CNTNAP3B: variants seen among roughly 807,000 people sequenced by gnomAD.
CNTNAP3B encodes the protein contactin associated protein family member 3B, also known as contactin-associated protein-like 3B.
In CNTNAP3B, 25 loss-of-function variants were observed where a neutral mutation model predicts 108.9. The observed-to-expected ratio is 0.23, with a 90% CI of 0.17 to 0.32. The LOEUF (loss-of-function observed/expected upper bound fraction) is 0.32. Among genes scored for constraint, CNTNAP3B ranks in the 10% least tolerant of loss-of-function variants. CNTNAP3B has a pLI of 1.00. For synonymous variants in CNTNAP3B, 103 were observed against 473.4 expected (o/e 0.22, Z 10.16); for missense variants, 252 against 1,210.4 (o/e 0.21, Z 11.75).
At chr9:41,995,725 C>T (rs1237118109) in intron 7 of CNTNAP3B, among the ~76,000 whole-genome samples, 5 of 88,744 alleles carry the variant, frequency 5.6e-5, no homozygotes, top group Middle Eastern at 4.5e-3. Flanking sequence ...AGTGAGACTC[C>T]GTCTCAAAAA....
intron 3 of CNTNAP3B, among the ~76,000 whole-genome samples, chr9:42,075,242 A>G (rs1343005173): frequency 5.4e-5 from 8 of 146,924 alleles, no homozygotes; most frequent in Non-Finnish European, 8.9e-5. Context: ...TAACTTGATT[A>G]CCTCTGTAAA....
intron 3 of CNTNAP3B, among the ~76,000 whole-genome samples, chr9:42,066,654 C>G (rs557502453): frequency 7.6e-6 from 1 of 130,722 alleles, no homozygotes; most frequent in South Asian, 2.6e-4. Flanking sequence ...GTCTCAAACT[C>G]CTGACATCAG....
At chr9:41,953,024 G>A (rs1380029676) in intron 13 of CNTNAP3B, among the ~76,000 whole-genome samples, 159 bp downstream of exon 13, 1 of 152,258 alleles carries the variant, frequency 6.6e-6, no homozygotes, top group Non-Finnish European at 1.5e-5. Flanking sequence ...AATGCTCTTT[G>A]GTCCAACCAA....
At chr9:42,043,199 C>A (rs1488932424) in intron 3 of CNTNAP3B, among the ~76,000 whole-genome samples, 1 of 105,914 alleles carries the variant, frequency 9.4e-6, no homozygotes, top group African/African-American at 3.7e-5. Flanking sequence ...GAGACAGTCT[C>A]ACTCTTTGCC....
At chr9:42,070,550 C>A (rs1827351645) in intron 3 of CNTNAP3B, among the ~76,000 whole-genome samples, 1 of 143,982 alleles carries the variant, frequency 6.9e-6, no homozygotes, top group South Asian at 2.2e-4. Flanking sequence ...CCCAGCCACA[C>A]CCTCAGCCTC....
intron 13 of CNTNAP3B, among the ~76,000 whole-genome samples, 167 bp from the exon 14 acceptor site, chr9:41,938,567 A>C (rs1824229954): frequency 6.6e-6 from 1 of 152,286 alleles, no homozygotes; most frequent in Non-Finnish European, 1.5e-5. Context: ...CGTTTCTTTA[A>C]GCCTAACCAA....
intron 2 of CNTNAP3B, among the ~76,000 whole-genome samples, chr9:42,096,992 T>C (rs1304567403): frequency 7.5e-6 from 1 of 134,044 alleles, no homozygotes; most frequent in Non-Finnish European, 1.6e-5. Context: ...CTCAAGGTGA[T>C]CCAACCGCCT....
intron 3 of CNTNAP3B, among the ~76,000 whole-genome samples, chr9:42,071,688 C>A (rs1187931471): frequency 1.5e-5 from 2 of 130,280 alleles, no homozygotes; most frequent in Non-Finnish European, 3.3e-5. Flanking sequence ...GGCAACTGGG[C>A]TGTCATGGTA....
At chr9:42,004,015 A>T (rs1232674764) in intron 4 of CNTNAP3B, among the ~76,000 whole-genome samples, 2 of 146,026 alleles carry the variant, frequency 1.4e-5, no homozygotes, top group African/African-American at 2.6e-5. Context: ...TCATTTTCAT[A>T]GAGTTATAAT....
chr9:42,014,788 C>T (rs1264745276), intron 3 of CNTNAP3B, among the ~76,000 whole-genome samples: 1 of 48,240 alleles, frequency 2.1e-5, no homozygotes, highest in Non-Finnish European at 3.6e-5. Flanking sequence ...TAGACTCCGT[C>T]ACAAAAAAAA....
chr9:41,939,165 C>A (rs879485344), intron 13 of CNTNAP3B, among the ~76,000 whole-genome samples: 4 of 152,280 alleles, frequency 2.6e-5, no homozygotes, highest in Admixed American at 1.3e-4. Context: ...GATGGACTGA[C>A]AGCACATCAC....
At chr9:42,126,772 G>A (rs28564675) in intron 1 of CNTNAP3B, among the ~76,000 whole-genome samples, 56,448 of 132,704 alleles carry the variant, frequency 0.43, 15,685 homozygotes, top group East Asian at 0.63. Flanking sequence ...GTTTCACCAT[G>A]GTGGCCAAGC....
At chr9:41,969,029 C>T (rs1190286849) in intron 10 of CNTNAP3B, among the ~76,000 whole-genome samples, 3 of 152,290 alleles carry the variant, frequency 2.0e-5, no homozygotes, top group South Asian at 2.1e-4. Flanking sequence ...ATCTCCTGAC[C>T]TCGTGATCCG....
intron 13 of CNTNAP3B, among the ~76,000 whole-genome samples, chr9:41,942,250 C>T (rs1409081475): frequency 6.6e-6 from 1 of 152,252 alleles, no homozygotes; most frequent in Admixed American, 6.5e-5. Flanking sequence ...CCGAGGCGGG[C>T]AGATCATGAG....
At chr9:41,928,619 G>A (rs1315172887) in intron 15 of CNTNAP3B, among the ~76,000 whole-genome samples, 2 of 152,420 alleles carry the variant, frequency 1.3e-5, no homozygotes, top group Non-Finnish European at 1.5e-5. Flanking sequence ...CCTCTCAGAA[G>A]TAGCCCCCAC....
chr9:41,928,604 C>G (rs1249957979), intron 15 of CNTNAP3B, among the ~76,000 whole-genome samples: 1 of 152,294 alleles, frequency 6.6e-6, no homozygotes. Context: ...CCTTGTTGAA[C>G]CACCCCTCTC....
At chr9:42,117,541 T>C (rs1316614751) in intron 1 of CNTNAP3B, among the ~76,000 whole-genome samples, 1 of 141,030 alleles carries the variant, frequency 7.1e-6, no homozygotes, top group Non-Finnish European at 1.5e-5. Flanking sequence ...GAGAGGGAAA[T>C]TTATAGCACT....
intron 3 of CNTNAP3B, among the ~76,000 whole-genome samples, chr9:42,044,683 A>T: frequency 6.8e-6 from 1 of 147,712 alleles, no homozygotes. Flanking sequence ...AGAGAACTAG[A>T]AAAGACTACG....
chr9:42,076,930 A>T lies in CNTNAP3B; in HGVS notation c.329T>A (p.Leu110His). 1 of 1,527,278 alleles carries T rather than the reference A, an allele frequency of 6.5e-7. No individual in the cohort carries two copies. Among genetic ancestry groups the T allele is most frequent in the East Asian group, 2.4e-5 (1 of 41,304 alleles). The allele number at this position is 1,527,278 out of a possible 1,614,324, so 94.6% of individuals were successfully genotyped here. The part of the protein sequence containing the change: ...YGSSDWVTSY[L>H]LMFSDGGRNW... ...TCTCCCACCATCACTGAACATCAGGAGGTAGCTGGTCACCCAGTCAGAGCT... is the reference window on the plus strand; with the variant it reads ...TCTCCCACCATCACTGAACATCAGGTGGTAGCTGGTCACCCAGTCAGAGCT... The change falls in exon 3 of 24, where the codon CTC becomes CAC. Residue 110 changes from leucine to histidine, a missense_variant. Leu to His is a moderately conservative substitution (Grantham distance 99). Coordinates refer to ENST00000377561, the MANE Select transcript of CNTNAP3B (RefSeq NM_001201380.3).
Sources: gnomAD v4.1 joint callset for allele counts (sites outside exome capture counted in the v4.1 genomes callset) on GRCh38, gnomAD v4.1.1 for gene constraint, MANE v1.5 for transcripts, NCBI Gene and HGNC (gene_info 2026-07-23, HGNC 2026-07-21) for gene names.